Variants in SCHIP1 observed in about 807,000 individuals in gnomAD.
SCHIP1 encodes schwannomin interacting protein 1.
In SCHIP1, 8 loss-of-function variants were observed where a neutral mutation model predicts 29.7. The ratio of observed to expected loss-of-function variants is 0.27; its 90% CI spans 0.16 to 0.49. The LOEUF (loss-of-function observed/expected upper bound fraction) is 0.49. Ranked by LOEUF, SCHIP1 falls within the 20% of genes least tolerant of loss-of-function variation. The pLI is 0.99. For synonymous variants in SCHIP1, 76 were observed against 94.9 expected (o/e 0.80, Z 1.16); for missense variants, 193 against 294.6 (o/e 0.66, Z 2.52).
At chr3:159,638,868 AT>A in the SCHIP1 span, among the ~76,000 whole-genome samples, 2 of 152,106 alleles carry the variant, frequency 1.3e-5, no homozygotes, top group African/African-American at 4.8e-5. Flanking sequence ...AAACAAACAA[AT>A]AGAATCTTTA....
At chr3:159,435,342 C>T in the SCHIP1 span, among the ~76,000 whole-genome samples, 3 of 152,132 alleles carry the variant, frequency 2.0e-5, no homozygotes, top group Admixed American at 6.6e-5. Flanking sequence ...CCTCTTTACA[C>T]AATTCTGCTA....
At chr3:159,713,731 A>G in the SCHIP1 span, among the ~76,000 whole-genome samples, 1 of 152,322 alleles carries the variant, frequency 6.6e-6, no homozygotes, top group South Asian at 2.1e-4. Context: ...GCCAATACAT[A>G]TGGTGGGGGT....
At chr3:159,787,744 A>G in the SCHIP1 span, among the ~76,000 whole-genome samples, 1 of 152,162 alleles carries the variant, frequency 6.6e-6, no homozygotes, top group Admixed American at 6.5e-5. Context: ...GGGAAGGAAC[A>G]CTTTGCAGCT....
the SCHIP1 span, among the ~76,000 whole-genome samples, chr3:159,389,799 T>G: frequency 6.6e-6 from 1 of 152,042 alleles, no homozygotes; most frequent in Non-Finnish European, 1.5e-5. Flanking sequence ...ACATGAATGA[T>G]CTGATTCCAT....
At chr3:159,624,910 T>G in the SCHIP1 span, among the ~76,000 whole-genome samples, 26,133 of 152,088 alleles carry the variant, frequency 0.17, 6,397 homozygotes, top group African/African-American at 0.54. Flanking sequence ...TGTGCAAGGT[T>G]TATACCCTCT....
the SCHIP1 span, among the ~76,000 whole-genome samples, chr3:159,279,222 T>C: frequency 3.3e-5 from 5 of 152,176 alleles, no homozygotes; most frequent in Non-Finnish European, 7.3e-5. Context: ...CTCATGATAG[T>C]GAGCAAGTCT....
At chr3:159,828,057 A>G in the SCHIP1 span, among the ~76,000 whole-genome samples, 1 of 151,734 alleles carries the variant, frequency 6.6e-6, no homozygotes, top group Non-Finnish European at 1.5e-5. Flanking sequence ...TATATATAAT[A>G]TATTATTGTT....
chr3:159,322,975 C>T, the SCHIP1 span, among the ~76,000 whole-genome samples: 1 of 152,180 alleles, frequency 6.6e-6, no homozygotes, highest in South Asian at 2.1e-4. Context: ...GGGCAATATC[C>T]TCTTTGTCAC....
At chr3:159,659,465 G>A in the SCHIP1 span, among the ~76,000 whole-genome samples, 1 of 152,172 alleles carries the variant, frequency 6.6e-6, no homozygotes, top group African/African-American at 2.4e-5. Flanking sequence ...TTATGTTTAT[G>A]AGAATGTCAG....
chr3:159,660,799 G>A, the SCHIP1 span, among the ~76,000 whole-genome samples: 1 of 152,094 alleles, frequency 6.6e-6, no homozygotes, highest in Non-Finnish European at 1.5e-5. Flanking sequence ...TCTGTTGCAG[G>A]TTGTCTTTTA....
At chr3:159,859,909 C>T (rs1348726277) in intron 1 of SCHIP1, among the ~76,000 whole-genome samples, 2 of 152,178 alleles carry the variant, frequency 1.3e-5, no homozygotes, top group Non-Finnish European at 2.9e-5. Context: ...CTTACAAGCC[C>T]TCCAGGTAAT....
At chr3:159,545,588 CTGTGTG>C in the SCHIP1 span, among the ~76,000 whole-genome samples, 21 of 146,916 alleles carry the variant, frequency 1.4e-4, no homozygotes, top group Non-Finnish European at 2.1e-4. Flanking sequence ...ATATATATGT[CTGTGTG>C]TGTGTGTGTG....
the SCHIP1 span, among the ~76,000 whole-genome samples, chr3:159,670,865 C>T: frequency 6.6e-6 from 1 of 151,782 alleles, no homozygotes; most frequent in African/African-American, 2.4e-5. Context: ...TTCTCTTTCT[C>T]TCTGTGGGTG....
chr3:159,279,239 A>G, the SCHIP1 span, among the ~76,000 whole-genome samples: 1 of 152,014 alleles, frequency 6.6e-6, no homozygotes, highest in Non-Finnish European at 1.5e-5. Context: ...GTCTCATGAG[A>G]TCTGATGGTT....
chr3:159,447,657 T>C, the SCHIP1 span, among the ~76,000 whole-genome samples: 2 of 152,294 alleles, frequency 1.3e-5, no homozygotes, highest in Admixed American at 1.3e-4. Context: ...TATGATACAT[T>C]GTGAGATTTA....
chr3:159,365,259 C>T, the SCHIP1 span, among the ~76,000 whole-genome samples: 1 of 152,098 alleles, frequency 6.6e-6, no homozygotes, highest in African/African-American at 2.4e-5. Context: ...AGATATTCCA[C>T]TTTCAGAATA....
chr3:159,372,565 A>G, the SCHIP1 span, among the ~76,000 whole-genome samples: 4 of 152,106 alleles, frequency 2.6e-5, no homozygotes, highest in African/African-American at 9.6e-5. Context: ...AACTTTGTAC[A>G]CTTTGAAATC....
At chr3:159,727,748 C>G in the SCHIP1 span, among the ~76,000 whole-genome samples, 4 of 152,016 alleles carry the variant, frequency 2.6e-5, no homozygotes, top group Admixed American at 1.3e-4. Context: ...GGTTTCCTGC[C>G]TATATTTTTA....
the SCHIP1 span, among the ~76,000 whole-genome samples, chr3:159,302,129 G>A: frequency 3.3e-5 from 5 of 152,106 alleles, no homozygotes; most frequent in African/African-American, 4.8e-5. Context: ...ATGCTGTTCC[G>A]GTGCACCAGC....
Sources: allele counts gnomAD v4.1 joint callset (sites outside exome capture counted in the v4.1 genomes callset), GRCh38; gene constraint gnomAD v4.1.1; transcripts MANE v1.5; gene names NCBI Gene and HGNC (gene_info 2026-07-23, HGNC 2026-07-21).